CDC42BPA: variants seen among roughly 807,000 people sequenced by gnomAD.
CDC42BPA encodes the protein CDC42 binding protein kinase alpha, also known as serine/threonine-protein kinase MRCK alpha.
CDC42BPA carries 80 observed loss-of-function variants against 223.5 expected under a neutral mutation model. That is an observed-to-expected ratio of 0.36 (90% CI 0.30 to 0.43). The LOEUF (loss-of-function observed/expected upper bound fraction) is 0.43, where lower values mean the gene tolerates loss of function less well. Ranked by LOEUF, CDC42BPA falls within the 20% of genes least tolerant of loss-of-function variation. The probability of loss-of-function intolerance (pLI) is 1.00; values close to 1 mark genes in which losing one functional copy is unlikely to be tolerated. For missense variants in CDC42BPA, 1,743 were observed against 2,099.9 expected (o/e 0.83, Z 3.32); for synonymous variants, 694 against 718.6 (o/e 0.97, Z 0.55).
At chr1:227,128,977 T>C (rs1242911829) in intron 11 of CDC42BPA, 132 bp downstream of exon 11, 4 of 644,670 alleles carry the variant, frequency 6.2e-6, no homozygotes, top group Admixed American at 3.2e-5. Context: ...CCATTCTTAT[T>C]TGCCCTTCCC....
intron 5 of CDC42BPA, among the ~76,000 whole-genome samples, chr1:227,193,262 C>T (rs1441504579): frequency 2.0e-5 from 3 of 151,674 alleles, no homozygotes; most frequent in Admixed American, 6.6e-5. Flanking sequence ...TTAGTAGAGA[C>T]GGAGTTTCAC....
At chr1:227,113,277 G>A (rs1687222446) in intron 12 of CDC42BPA, among the ~76,000 whole-genome samples, 1 of 152,234 alleles carries the variant, frequency 6.6e-6, no homozygotes, top group Non-Finnish European at 1.5e-5. Context: ...TGACATGGAG[G>A]CTACGCCTCA....
chr1:227,116,492 C>A (rs916589687), intron 12 of CDC42BPA, among the ~76,000 whole-genome samples: 1 of 152,106 alleles, frequency 6.6e-6, no homozygotes, highest in African/African-American at 2.4e-5. Flanking sequence ...TCTTTAAAAT[C>A]GGGGAACAAG....
chr1:227,054,625 C>T (rs996930159), intron 21 of CDC42BPA, among the ~76,000 whole-genome samples: 1 of 152,142 alleles, frequency 6.6e-6, no homozygotes, highest in Non-Finnish European at 1.5e-5. Flanking sequence ...TGCAACTACA[C>T]AAATTAGTAA....
At chr1:227,280,928 G>T (rs1687919184) in intron 1 of CDC42BPA, among the ~76,000 whole-genome samples, 1 of 152,164 alleles carries the variant, frequency 6.6e-6, no homozygotes, top group Non-Finnish European at 1.5e-5. Context: ...GGTCAGAACT[G>T]CCTCTCAGGG....
chr1:227,199,141 G>A (rs909993177), intron 4 of CDC42BPA, among the ~76,000 whole-genome samples: 1 of 152,208 alleles, frequency 6.6e-6, no homozygotes, highest in African/African-American at 2.4e-5. Flanking sequence ...AAGTTAGAAT[G>A]AGATGAGAAA....
intron 21 of CDC42BPA, chr1:227,068,791 GA>G: frequency 3.0e-6 from 1 of 338,704 alleles, no homozygotes; most frequent in Non-Finnish European, 5.0e-6. Flanking sequence ...TAAAACAATT[GA>G]AAGGCAAATG....
chr1:227,124,224 A>G (rs1041883632), intron 11 of CDC42BPA, among the ~76,000 whole-genome samples: 1 of 152,256 alleles, frequency 6.6e-6, no homozygotes, highest in African/African-American at 2.4e-5. Context: ...GAAGTTGTCA[A>G]TAATTATAAA....
chr1:227,014,219 A>G (rs960244989), intron 34 of CDC42BPA, among the ~76,000 whole-genome samples: 1 of 152,156 alleles, frequency 6.6e-6, no homozygotes, highest in African/African-American at 2.4e-5. Flanking sequence ...ATAGAAAAGT[A>G]TAATAGTTTT....
intron 5 of CDC42BPA, among the ~76,000 whole-genome samples, chr1:227,175,866 G>C (rs758506811): frequency 1.3e-5 from 2 of 152,166 alleles, no homozygotes; most frequent in Non-Finnish European, 2.9e-5. Flanking sequence ...AATCGTATGT[G>C]AGGACGATAA....
intron 34 of CDC42BPA, among the ~76,000 whole-genome samples, chr1:227,014,191 G>A (rs1401915105): frequency 6.6e-6 from 1 of 151,890 alleles, no homozygotes; most frequent in African/African-American, 2.4e-5. Context: ...AAAAAAAATA[G>A]TATAGCTTTT....
At position 226,994,180 on chromosome 1, in the gene CDC42BPA, C is replaced by A. The variant is rs772531780; in HGVS notation, c.*88G>T. Reference sequence around the variant, plus strand: ...TGCCAGCCCCTGGTGGCTTTCAGGCCGAGCAGGCGAGGTGGAGGGAAGAGA... The same window carrying A: ...TGCCAGCCCCTGGTGGCTTTCAGGCAGAGCAGGCGAGGTGGAGGGAAGAGA... On this transcript the variant is annotated 3_prime_UTR_variant, in exon 37 of 37. Coordinates refer to ENST00000366766, the MANE Select transcript of CDC42BPA (RefSeq NM_001394014.1). The surrounding 1 kb of genome is among the most constrained non-coding windows in gnomAD (Gnocchi z 4.0). 90 of 1,369,760 alleles carry A rather than the reference C, an allele frequency of 6.6e-5. No homozygotes were observed. Among genetic ancestry groups the A allele is most frequent in the East Asian group, 1.8e-4 (7 of 38,348 alleles). 84.9% of individuals were successfully genotyped at this position (1,369,760 alleles called of 1,614,324 possible). A position where few individuals can be genotyped will look rare whatever the true frequency, so the allele number is the denominator to read the frequency against.
intron 5 of CDC42BPA, among the ~76,000 whole-genome samples, chr1:227,166,782 T>C (rs1186005973): frequency 6.6e-6 from 1 of 152,138 alleles, no homozygotes; most frequent in South Asian, 2.1e-4. Flanking sequence ...GGTGCCTCAA[T>C]GCCTCTGCTG....
intron 35 of CDC42BPA, among the ~76,000 whole-genome samples, chr1:227,003,643 T>C (rs1663370916): frequency 6.6e-6 from 1 of 152,198 alleles, no homozygotes; most frequent in African/African-American, 2.4e-5. Flanking sequence ...TGTATAATTT[T>C]ATTCAGGCAG....
chr1:227,293,682 G>A (rs11802394), intron 1 of CDC42BPA, among the ~76,000 whole-genome samples: 46,488 of 151,572 alleles, frequency 0.31, 7,250 homozygotes, highest in East Asian at 0.37. Flanking sequence ...AAAATCAGCC[G>A]GGCATGGTGG....
At chr1:227,146,686 T>G (rs909804858) in intron 7 of CDC42BPA, among the ~76,000 whole-genome samples, 1 of 152,142 alleles carries the variant, frequency 6.6e-6, no homozygotes, top group African/African-American at 2.4e-5. Context: ...GTTCTTGTTG[T>G]GTGTCTGTGT....
intron 1 of CDC42BPA, among the ~76,000 whole-genome samples, chr1:227,314,286 A>G (rs1275180836): frequency 2.0e-5 from 3 of 152,138 alleles, no homozygotes; most frequent in Non-Finnish European, 2.9e-5. Flanking sequence ...AATACTATTT[A>G]CTATAAATGA....
chr1:227,274,888 A>G (rs1003004265), intron 1 of CDC42BPA, among the ~76,000 whole-genome samples: 3 of 152,222 alleles, frequency 2.0e-5, no homozygotes, highest in Non-Finnish European at 4.4e-5. Context: ...TACACTTTAT[A>G]TACCTAACTG....
chr1:227,297,064 G>A (rs1451559372), intron 1 of CDC42BPA, among the ~76,000 whole-genome samples: 5 of 152,136 alleles, frequency 3.3e-5, no homozygotes, highest in Non-Finnish European at 7.4e-5. Flanking sequence ...TATACCTTCT[G>A]CTCAATTTCA....
Sources: gnomAD v4.1 joint callset for allele counts (sites outside exome capture counted in the v4.1 genomes callset) on GRCh38, gnomAD v4.1.1 for gene constraint, Gnocchi (gnomAD v3.1) non-coding constraint, MANE v1.5 for transcripts, NCBI Gene and HGNC (gene_info 2026-07-23, HGNC 2026-07-21) for gene names.